The following DLG1 variants were observed in gnomAD, a reference collection of about 807,000 sequenced individuals.
DLG1 encodes disks large homolog 1.
A neutral mutation model predicts 123.4 loss-of-function variants in DLG1; 42 were observed. The ratio of observed to expected loss-of-function variants is 0.34; its 90% confidence interval spans 0.27 to 0.44. DLG1 has a LOEUF of 0.44. Among genes scored for constraint, DLG1 ranks in the 20% least tolerant of loss-of-function variants. DLG1 has a pLI of 1.00. For missense variants in DLG1, 942 were observed against 1,082.6 expected (o/e 0.87, Z 1.82); for synonymous variants, 317 against 356.2 (o/e 0.89, Z 1.24).
intron 6 of DLG1, among the ~76,000 whole-genome samples, chr3:197,146,614 G>T (rs534137846): frequency 2.6e-5 from 4 of 152,068 alleles, no homozygotes; most frequent in African/African-American, 9.7e-5. Flanking sequence ...AAATGAAACT[G>T]GATCCTCATC....
chr3:197,271,854 C>A (rs1764036535), intron 4 of DLG1, among the ~76,000 whole-genome samples: 1 of 152,140 alleles, frequency 6.6e-6, no homozygotes, highest in Admixed American at 6.6e-5. Flanking sequence ...CCAAAAAATA[C>A]ACACATACAG....
chr3:197,212,567 T>G (rs1402293019), intron 4 of DLG1, among the ~76,000 whole-genome samples: 1 of 152,232 alleles, frequency 6.6e-6, no homozygotes, highest in Non-Finnish European at 1.5e-5. Flanking sequence ...CTCCTTGGCT[T>G]ACAGATGCAT....
intron 13 of DLG1, among the ~76,000 whole-genome samples, 155 bp downstream of exon 13, chr3:197,115,772 T>C (rs1233142526): frequency 6.6e-6 from 1 of 152,158 alleles, no homozygotes; most frequent in Non-Finnish European, 1.5e-5. Context: ...TATAATATGT[T>C]CTCTGACACT....
At position 197,081,085 on chromosome 3, in the gene DLG1, GT is replaced by G; in HGVS notation, c.1870del (p.Thr624GlnfsTer2). On this transcript the variant is annotated frameshift_variant, in exon 17 of 25. Transcript: ENST00000667157. LOFTEE classifies it high-confidence loss of function. The part of the protein sequence containing the change: ...VEKKERARLK[T>X]VKFNSKTRDK... ...TCTCGTTTTAGAATTGAATTTCACT[GT>G]TTTTAATCGGGCTCGTTCTTTCTTC... 6.2e-7 allele frequency: 1 copy of G among 1,613,062 alleles called. No homozygotes were observed. The highest frequency in any genetic ancestry group is 8.5e-7 in the Non-Finnish European group (1 of 1,179,466).
rs1284719825 is a variant in DLG1 at position 197,042,620 on chromosome 3, A to T, written c.*2003T>A. The T allele has an allele frequency of 6.6e-6, 1 of 152,226 alleles. No homozygotes were observed. The highest frequency in any genetic ancestry group is 1.5e-5 in the Non-Finnish European group (1 of 68,044). 9.4% of individuals were successfully genotyped at this position (152,226 alleles called of 1,614,324 possible). A position where few individuals can be genotyped will look rare whatever the true frequency, so the allele number is the denominator to read the frequency against. On this transcript the variant is annotated 3_prime_UTR_variant, in exon 25 of 25. Coordinates refer to ENST00000667157, the MANE Select transcript of DLG1 (RefSeq NM_001366207.1). Reference sequence around the variant, plus strand: ...AATGGCATCCTTTTATAACCACTTGATATTTTACAACATGTGACTATTTGG... The same window carrying T: ...AATGGCATCCTTTTATAACCACTTGTTATTTTACAACATGTGACTATTTGG...
At chr3:197,223,388 C>T (rs1738181282) in intron 4 of DLG1, among the ~76,000 whole-genome samples, 1 of 152,166 alleles carries the variant, frequency 6.6e-6, no homozygotes, top group African/African-American at 2.4e-5. Flanking sequence ...ATTACTGTAA[C>T]CTTCTTGGAT....
At chr3:197,295,835 T>C (rs1005280314) in intron 3 of DLG1, among the ~76,000 whole-genome samples, 1 of 152,346 alleles carries the variant, frequency 6.6e-6, no homozygotes, top group South Asian at 2.1e-4. Flanking sequence ...CAATTAAGAA[T>C]AAAACTTTCC....
At chr3:197,297,305 A>G (rs1411229182) in intron 1 of DLG1, 70 bp from the exon 2 acceptor site, 2 of 1,580,666 alleles carry the variant, frequency 1.3e-6, no homozygotes, top group East Asian at 4.5e-5. Flanking sequence ...CTATCGAAAT[A>G]GAAAACCCTC....
intron 8 of DLG1, 116 bp downstream of exon 8, chr3:197,140,024 A>C (rs1021973485): frequency 5.0e-5 from 58 of 1,160,112 alleles, no homozygotes; most frequent in Non-Finnish European, 6.5e-5. Context: ...TAAAGCATCT[A>C]CCCTATGCTA....
chr3:197,093,078 T>C (rs1423771914), intron 14 of DLG1, among the ~76,000 whole-genome samples: 1 of 152,060 alleles, frequency 6.6e-6, no homozygotes, highest in Non-Finnish European at 1.5e-5. Flanking sequence ...AACACGCAAA[T>C]ACATTTACAT....
chr3:197,195,354 C>T (rs1721903150), intron 4 of DLG1, among the ~76,000 whole-genome samples: 1 of 150,554 alleles, frequency 6.6e-6, no homozygotes, highest in African/African-American at 2.4e-5. Flanking sequence ...TGGGTCAGTA[C>T]CCAGCAATCC....
intron 5 of DLG1, among the ~76,000 whole-genome samples, chr3:197,162,405 C>A (rs983088733): frequency 2.0e-5 from 3 of 151,988 alleles, no homozygotes; most frequent in Non-Finnish European, 4.4e-5. Flanking sequence ...AGTAATAAGA[C>A]CCATTTGCTA....
At chr3:197,129,454 T>C (rs1198604417) in intron 11 of DLG1, among the ~76,000 whole-genome samples, 1 of 152,236 alleles carries the variant, frequency 6.6e-6, no homozygotes, top group Middle Eastern at 3.2e-3. Context: ...AGGAATCTTA[T>C]GGTTGGTTTG....
At chr3:197,298,841 C>G (rs1778655587), upstream of DLG1, 5 of 369,558 alleles carry the variant, frequency 1.4e-5, no homozygotes, top group Admixed American at 1.8e-4. Context: ...CACTGGTTAA[C>G]TTGGCAAGAG....
intron 24 of DLG1, among the ~76,000 whole-genome samples, chr3:197,049,684 TGTG>T (rs1725935669): frequency 1.3e-5 from 1 of 74,782 alleles, no homozygotes; most frequent in African/African-American, 2.9e-5. Context: ...CCCGGGAGGT[TGTG>T]GTGAGCTGAG....
intron 24 of DLG1, among the ~76,000 whole-genome samples, chr3:197,048,855 C>T (rs187476394): frequency 2.5e-4 from 38 of 152,158 alleles, no homozygotes; most frequent in Non-Finnish European, 1.0e-4. Context: ...AGGGGTTTCG[C>T]CATGTTGGTC....
At chr3:197,257,176 T>C (rs1328083762) in intron 4 of DLG1, among the ~76,000 whole-genome samples, 1 of 152,066 alleles carries the variant, frequency 6.6e-6, no homozygotes, top group Non-Finnish European at 1.5e-5. Context: ...TAACATACAA[T>C]TTTAATACAA....
intron 6 of DLG1, among the ~76,000 whole-genome samples, chr3:197,148,411 G>GAAAAAAA (rs780479244): frequency 1.2e-4 from 5 of 42,868 alleles, no homozygotes; most frequent in Admixed American, 2.6e-4. Flanking sequence ...ACTGTCTCAA[G>GAAAAAAA]AAAAAAAAAA....
At chr3:197,101,761 T>C (rs976040712) in intron 14 of DLG1, among the ~76,000 whole-genome samples, 5 of 151,816 alleles carry the variant, frequency 3.3e-5, no homozygotes, top group African/African-American at 7.3e-5. Flanking sequence ...AAAACGAGTA[T>C]AGTATTATAT....
Sources: allele counts gnomAD v4.1 joint callset (sites outside exome capture counted in the v4.1 genomes callset), GRCh38; gene constraint gnomAD v4.1.1; transcripts MANE v1.5; gene names NCBI Gene and HGNC (gene_info 2026-07-23, HGNC 2026-07-21).